RAPGEF6: variants seen among roughly 807,000 people sequenced by gnomAD.
RAPGEF6 encodes the protein Rap guanine nucleotide exchange factor 6.
In RAPGEF6, 56 loss-of-function variants were observed where a neutral mutation model predicts 171.4. The ratio of observed to expected loss-of-function variants is 0.33; its 90% confidence interval spans 0.26 to 0.41. RAPGEF6 has a LOEUF of 0.41. Among genes scored for constraint, RAPGEF6 ranks in the 10% least tolerant of loss-of-function variants. The pLI, the probability that RAPGEF6 is intolerant of heterozygous loss-of-function variation, is 1.00. For synonymous variants in RAPGEF6, 692 were observed against 650.1 expected (o/e 1.06, Z -0.98); for missense variants, 1,674 against 1,921.4 (o/e 0.87, Z 2.41).
chr5:131,562,135 A>G, intron 4 of RAPGEF6, 88 bp from the exon 5 acceptor site: 1 of 871,328 alleles, frequency 1.1e-6, no homozygotes, highest in Non-Finnish European at 1.8e-6. Flanking sequence ...ACAACAAAAA[A>G]GCCCTGAGAT....
intron 16 of RAPGEF6, among the ~76,000 whole-genome samples, chr5:131,475,581 T>C (rs1324741821): frequency 6.6e-6 from 1 of 152,218 alleles, no homozygotes; most frequent in African/African-American, 2.4e-5. Flanking sequence ...ACAGAGATGT[T>C]ACTTAGGCAA....
At chr5:131,516,999 TC>T (rs1758128729) in intron 7 of RAPGEF6, among the ~76,000 whole-genome samples, 1 of 152,204 alleles carries the variant, frequency 6.6e-6, no homozygotes, top group African/African-American at 2.4e-5. Flanking sequence ...TAAACAGTTT[TC>T]CTGTTAAGAA....
Position 131,634,378 on chromosome 5 carries a change from A to G in RAPGEF6, c.69+584T>C, listed in dbSNP as rs1369290827. ...GATGCCATAACTGTTAACTCGACACAGCAAATTTTGGATCCAAGTACAAAA... is the reference window on the plus strand; with the variant it reads ...GATGCCATAACTGTTAACTCGACACGGCAAATTTTGGATCCAAGTACAAAA... On this transcript the variant is annotated intron_variant, in intron 1 of 27. Transcript: ENST00000509018. Among the ~76,000 whole-genome samples, 3 of 152,226 alleles carry G rather than the reference A, an allele frequency of 2.0e-5. No homozygotes were observed. In the East Asian group the frequency reaches 5.8e-4, roughly 29 times the overall value.
chr5:131,482,309 T>G (rs1755544258), intron 15 of RAPGEF6, among the ~76,000 whole-genome samples: 1 of 152,074 alleles, frequency 6.6e-6, no homozygotes, highest in Non-Finnish European at 1.5e-5. Context: ...TATATGTACA[T>G]TTATATATGC....
At chr5:131,477,228 C>A (rs1755161688) in intron 16 of RAPGEF6, among the ~76,000 whole-genome samples, 1 of 152,172 alleles carries the variant, frequency 6.6e-6, no homozygotes, top group African/African-American at 2.4e-5. Context: ...ACAGCTCTCC[C>A]AACAAAATAG....
Position 131,431,355 on chromosome 5 carries a change from A to T in RAPGEF6, c.3975-6T>A. The stretch of plus-strand genomic sequence containing the variant: ...ATGGCTTCAAGAGTGTCCACCTAAA[A>T]TTGGAGATAACGTACAATTAGAAGG... On this transcript the variant is annotated splice_polypyrimidine_tract_variant and splice_region_variant and intron_variant, in intron 25 of 27. Transcript: ENST00000509018. The T allele has an allele frequency of 6.3e-7, 1 of 1,581,448 alleles. No individual in the cohort carries two copies. The highest frequency in any genetic ancestry group is 8.6e-7 in the Non-Finnish European group (1 of 1,160,132).
chr5:131,537,490 T>C (rs1759847457), intron 6 of RAPGEF6, among the ~76,000 whole-genome samples: 1 of 151,928 alleles, frequency 6.6e-6, no homozygotes, highest in African/African-American at 2.4e-5. Context: ...AAGGAAATAA[T>C]CAGTCATGTA....
rs550302841 is a variant in RAPGEF6, at chr5:131,428,169, G to A, written c.4780+733C>T. On this transcript the variant is annotated intron_variant, in intron 27 of 27. Coordinates refer to ENST00000509018, the MANE Select transcript of RAPGEF6 (RefSeq NM_016340.6). ...CACACCTATAATCCCAACACTTTCG[G>A]AGGCTGGGGTGGGAGGACTGCTTCA... 1.2e-3 allele frequency among the ~76,000 whole-genome samples: 176 copies of A among 152,258 alleles called. 1 individual carries two copies. Among genetic ancestry groups the A allele is most frequent in the African/African-American group, 4.1e-3 (170 of 41,544 alleles).
chr5:131,614,464 T>C (rs141468699), intron 1 of RAPGEF6, among the ~76,000 whole-genome samples: 122 of 152,072 alleles, frequency 8.0e-4, no homozygotes, highest in South Asian at 6.2e-3. Flanking sequence ...CATCTCGACA[T>C]AGCCAGCAGG....
intron 1 of RAPGEF6, among the ~76,000 whole-genome samples, chr5:131,630,397 T>C (rs951810405): frequency 2.6e-5 from 4 of 152,244 alleles, no homozygotes; most frequent in Admixed American, 1.3e-4. Flanking sequence ...AAAATTCACG[T>C]GACTCACTTT....
At chr5:131,463,904 T>C in intron 18 of RAPGEF6, 137 bp downstream of exon 18, 2 of 1,406,998 alleles carry the variant, frequency 1.4e-6, no homozygotes, top group South Asian at 1.8e-5. Flanking sequence ...AGTGACAAGA[T>C]ATTTTATCAA....
chr5:131,444,782 A>T (rs1752583701), intron 22 of RAPGEF6, among the ~76,000 whole-genome samples: 1 of 152,208 alleles, frequency 6.6e-6, no homozygotes, highest in African/African-American at 2.4e-5. Flanking sequence ...CATAACCATA[A>T]GATGATTAAG....
intron 19 of RAPGEF6, among the ~76,000 whole-genome samples, chr5:131,456,625 T>C (rs967077333): frequency 2.0e-5 from 3 of 152,218 alleles, no homozygotes; most frequent in African/African-American, 7.2e-5. Flanking sequence ...TGCAAGTCTT[T>C]ATGAATCCTT....
At chr5:131,482,687 T>C (rs1309280380) in intron 15 of RAPGEF6, among the ~76,000 whole-genome samples, 2 of 152,218 alleles carry the variant, frequency 1.3e-5, no homozygotes, top group Non-Finnish European at 2.9e-5. Flanking sequence ...TTGATGTTTG[T>C]ATATTACTAC....
intron 11 of RAPGEF6, among the ~76,000 whole-genome samples, chr5:131,501,828 T>C (rs902850184): frequency 1.3e-5 from 2 of 152,112 alleles, no homozygotes; most frequent in Admixed American, 1.3e-4. Flanking sequence ...CAGGTAGTAG[T>C]GGAATTGTAA....
chr5:131,600,607 G>T (rs1208946626), intron 3 of RAPGEF6, among the ~76,000 whole-genome samples: 1 of 145,960 alleles, frequency 6.9e-6, no homozygotes, highest in Non-Finnish European at 1.5e-5. Flanking sequence ...GAAGGGAGGG[G>T]AGAGAAGAGG....
At chr5:131,634,814 G>A in intron 1 of RAPGEF6, 148 bp downstream of exon 1, 4 of 940,898 alleles carry the variant, frequency 4.3e-6, no homozygotes, top group Non-Finnish European at 6.6e-6. Context: ...GGCGACAAGG[G>A]CCTGGGTCAG....
chr5:131,498,070 T>TA (rs911955550), intron 12 of RAPGEF6, among the ~76,000 whole-genome samples: 11 of 152,174 alleles, frequency 7.2e-5, no homozygotes, highest in South Asian at 2.1e-4. Flanking sequence ...TCTGCCCTCT[T>TA]AAAAAAATGT....
chr5:131,562,560 TACAAA>T (rs1244429232), intron 4 of RAPGEF6, among the ~76,000 whole-genome samples: 1 of 152,210 alleles, frequency 6.6e-6, no homozygotes, highest in Non-Finnish European at 1.5e-5. Context: ...TCCCCAAGGA[TACAAA>T]AATCTACCAG....
Sources: gnomAD v4.1 joint callset for allele counts (sites outside exome capture counted in the v4.1 genomes callset) on GRCh38, gnomAD v4.1.1 for gene constraint, MANE v1.5 for transcripts, NCBI Gene and HGNC (gene_info 2026-07-23, HGNC 2026-07-21) for gene names.